The following EIPR1 variants were observed in gnomAD, a reference collection of about 807,000 sequenced individuals.
The protein encoded by EIPR1 is EARP and GARP complex-interacting protein 1.
EIPR1 carries 25 observed loss-of-function variants against 48.1 expected under a neutral mutation model. The observed-to-expected ratio is 0.52, with a 90% CI of 0.38 to 0.73. The LOEUF is 0.73. Among genes scored for constraint, EIPR1 ranks in the 30% least tolerant of loss-of-function variants. EIPR1 has a pLI of 0.00. For missense variants in EIPR1, 415 were observed against 506.2 expected (o/e 0.82, Z 1.73); for synonymous variants, 204 against 201.9 (o/e 1.01, Z -0.09).
chr2:3,200,837 T>G (rs1249745008), intron 5 of EIPR1, among the ~76,000 whole-genome samples: 1 of 152,142 alleles, frequency 6.6e-6, no homozygotes, highest in African/African-American at 2.4e-5. Context: ...AGCACTGAAC[T>G]TGGTGAGGAC....
intron 4 of EIPR1, among the ~76,000 whole-genome samples, chr2:3,253,662 T>C (rs1667069497): frequency 6.6e-6 from 1 of 152,212 alleles, no homozygotes; most frequent in South Asian, 2.1e-4. Flanking sequence ...CTGGAGCATG[T>C]CTGATTAGTG....
intron 3 of EIPR1, chr2:3,274,305 A>T (rs1354403466): frequency 5.2e-6 from 8 of 1,550,262 alleles, no homozygotes; most frequent in Non-Finnish European, 7.0e-6. Context: ...TGTAGCACAA[A>T]TGCAGAACAC....
intron 4 of EIPR1, among the ~76,000 whole-genome samples, chr2:3,218,417 C>T (rs1484266452): frequency 6.7e-6 from 1 of 149,074 alleles, no homozygotes; most frequent in Non-Finnish European, 1.5e-5. Flanking sequence ...AGAGCATTCA[C>T]AGTGAGTCAG....
At chr2:3,264,684 TTTTGTTTGTTTG>T (rs143207957) in intron 3 of EIPR1, among the ~76,000 whole-genome samples, 2,074 of 152,080 alleles carry the variant, frequency 0.014, 44 homozygotes, top group African/African-American at 0.048. Flanking sequence ...CCAATGCTGT[TTTTGTTTGTTTG>T]TTTGTTTGTT....
At chr2:3,230,236 C>G (rs2085008) in intron 4 of EIPR1, among the ~76,000 whole-genome samples, 146,746 of 152,248 alleles carry the variant, frequency 0.96, 70,945 homozygotes, top group East Asian at 1. Context: ...CAACGAATAA[C>G]CAAAAAACAT....
intron 5 of EIPR1, among the ~76,000 whole-genome samples, chr2:3,209,750 A>G (rs1665375970): frequency 6.6e-6 from 1 of 152,232 alleles, no homozygotes; most frequent in East Asian, 1.9e-4. Flanking sequence ...GCTTATTACT[A>G]AGGGACAGAA....
intron 3 of EIPR1, among the ~76,000 whole-genome samples, chr2:3,325,630 A>G (rs1669671045): frequency 6.6e-6 from 1 of 152,140 alleles, no homozygotes; most frequent in Non-Finnish European, 1.5e-5. Flanking sequence ...AGCATATCCT[A>G]CTGTGACAGC....
chr2:3,328,963 C>CT (rs1669793433), intron 3 of EIPR1, among the ~76,000 whole-genome samples: 10 of 66,236 alleles, frequency 1.5e-4, no homozygotes, highest in Admixed American at 2.6e-4. Context: ...GGGCACCAGC[C>CT]AGGCTCCCCT....
At chr2:3,324,682 G>A (rs1290634740) in intron 3 of EIPR1, among the ~76,000 whole-genome samples, 6 of 152,276 alleles carry the variant, frequency 3.9e-5, no homozygotes, top group Admixed American at 1.3e-4. Context: ...CTCTCAGGAC[G>A]TCCTCAACTC....
intron 4 of EIPR1, among the ~76,000 whole-genome samples, chr2:3,221,991 T>C (rs1665909442): frequency 6.8e-6 from 1 of 148,018 alleles, no homozygotes; most frequent in Non-Finnish European, 1.5e-5. Flanking sequence ...CCCCTCGCGG[T>C]TTTTTTTTTG....
intron 3 of EIPR1, among the ~76,000 whole-genome samples, chr2:3,273,039 A>G (rs563987470): frequency 6.6e-6 from 1 of 152,370 alleles, no homozygotes; most frequent in East Asian, 1.9e-4. Flanking sequence ...ACGCGAAAAC[A>G]GCTACTAGGC....
chr2:3,318,581 A>G (rs1669390553), intron 3 of EIPR1, among the ~76,000 whole-genome samples: 1 of 152,206 alleles, frequency 6.6e-6, no homozygotes, highest in African/African-American at 2.4e-5. Context: ...ATGGCCCACT[A>G]TTCCAGAGCC....
intron 3 of EIPR1, among the ~76,000 whole-genome samples, chr2:3,265,241 AC>A (rs1213294746): frequency 5.7e-5 from 7 of 123,474 alleles, no homozygotes; most frequent in Non-Finnish European, 3.5e-5. Flanking sequence ...AAAAAAATGA[AC>A]GAAGCTGCAC....
At chr2:3,299,603 T>TTC (rs141965173) in intron 3 of EIPR1, among the ~76,000 whole-genome samples, 2,512 of 145,332 alleles carry the variant, frequency 0.017, 22 homozygotes, top group Non-Finnish European at 0.026. Context: ...GGAAAATATT[T>TTC]TCTCTCTCTC....
chr2:3,318,295 T>C (rs1373153433), intron 3 of EIPR1, among the ~76,000 whole-genome samples: 1 of 152,194 alleles, frequency 6.6e-6, no homozygotes, highest in Non-Finnish European at 1.5e-5. Flanking sequence ...CCTCGTGGGC[T>C]GAAACCTGGA....
chr2:3,217,021 C>G (rs528396405), intron 4 of EIPR1, among the ~76,000 whole-genome samples: 1 of 152,334 alleles, frequency 6.6e-6, no homozygotes, highest in South Asian at 2.1e-4. Flanking sequence ...GCCCTTTCAA[C>G]TGCCCACAGT....
intron 4 of EIPR1, among the ~76,000 whole-genome samples, chr2:3,231,244 T>C (rs764981580): frequency 6.6e-6 from 1 of 152,204 alleles, no homozygotes; most frequent in Non-Finnish European, 1.5e-5. Context: ...TAACAATGCT[T>C]TAGTGGAATC....
intron 4 of EIPR1, among the ~76,000 whole-genome samples, chr2:3,218,858 T>C (rs1381404652): frequency 0.017 from 1,061 of 62,228 alleles, no homozygotes; most frequent in East Asian, 0.022. Flanking sequence ...ACACCCAACA[T>C]GGCCCTGATA....
chr2:3,208,917 G>A, intron 5 of EIPR1: 1 of 1,544,826 alleles, frequency 6.5e-7, no homozygotes, highest in South Asian at 1.2e-5. Flanking sequence ...GGCACACACA[G>A]GGTCCGTGCA....
Sources: gnomAD v4.1 joint callset for allele counts (sites outside exome capture counted in the v4.1 genomes callset) on GRCh38, gnomAD v4.1.1 for gene constraint, MANE v1.5 for transcripts, NCBI Gene and HGNC (gene_info 2026-07-23, HGNC 2026-07-21) for gene names.